The following NSG1 variants were observed in gnomAD, a reference collection of about 807,000 sequenced individuals.
NSG1 encodes the protein neuronal vesicle trafficking-associated protein 1.
Under a neutral mutation model 19.3 loss-of-function variants are expected in NSG1, and 9 were observed. The ratio of observed to expected loss-of-function variants is 0.47; its 90% CI spans 0.28 to 0.81. The LOEUF is 0.81. Ranked by LOEUF, NSG1 falls within the 40% of genes least tolerant of loss-of-function variation. The probability of loss-of-function intolerance (pLI) is 0.11; values close to 1 mark genes in which losing one functional copy is unlikely to be tolerated. For synonymous variants in NSG1, 104 were observed against 107.0 expected, an observed-to-expected ratio of 0.97 and a Z score of 0.17; for missense variants, 236 against 242.4, an observed-to-expected ratio of 0.97 and a Z score of 0.18.
At chr4:4,416,144 G>T (rs917491998) in intron 4 of NSG1, 11 of 702,246 alleles carry the variant, frequency 1.6e-5, no homozygotes, top group Middle Eastern at 2.3e-4. Context: ...CTCATTGGCC[G>T]CATTTTATAG....
At chr4:4,394,352 TACCCCGGAAGCC>T (rs917865255) in intron 3 of NSG1, among the ~76,000 whole-genome samples, 3 of 152,174 alleles carry the variant, frequency 2.0e-5, no homozygotes, top group African/African-American at 7.2e-5. Context: ...CAGGCACAGG[TACCCCGGAAGCC>T]TCCCCAGTGT....
intron 3 of NSG1, among the ~76,000 whole-genome samples, chr4:4,399,882 C>T (rs60599077): frequency 2.4e-4 from 36 of 152,328 alleles, no homozygotes; most frequent in African/African-American, 7.7e-4. Context: ...GGTTCATGCT[C>T]CTATGAGAAT....
chr4:4,406,316 C>CA (rs1334662172), intron 3 of NSG1, among the ~76,000 whole-genome samples: 1 of 152,188 alleles, frequency 6.6e-6, no homozygotes, highest in Non-Finnish European at 1.5e-5. Context: ...CGTGAGCCAC[C>CA]ACGTCTGCCC....
intron 3 of NSG1, among the ~76,000 whole-genome samples, chr4:4,403,627 T>A (rs1199088132): frequency 1.3e-5 from 2 of 152,184 alleles, no homozygotes; most frequent in Non-Finnish European, 2.9e-5. Flanking sequence ...CAAAGTCCCT[T>A]ACCATATACA....
rs1432944712 is a variant in NSG1 at position 4,387,616 on chromosome 4, G to C, written c.-14G>C. On this transcript the variant is annotated 5_prime_UTR_variant, in exon 2 of 5. Transcript: ENST00000621129. Reference sequence around the variant, plus strand: ...CCTCCCGCCGCAGGCTGCAGCCTCGGAGCTCCCGGAACGATGGTGAAGTTG... The same window carrying C: ...CCTCCCGCCGCAGGCTGCAGCCTCGCAGCTCCCGGAACGATGGTGAAGTTG... 5 of 1,609,718 alleles carry C rather than the reference G, an allele frequency of 3.1e-6. No homozygotes were observed. The highest frequency in any genetic ancestry group is 3.4e-6 in the Non-Finnish European group (4 of 1,177,970).
chr4:4,404,677 A>C (rs944499225), intron 3 of NSG1, among the ~76,000 whole-genome samples: 11 of 152,254 alleles, frequency 7.2e-5, no homozygotes, highest in Admixed American at 3.9e-4. Flanking sequence ...TGTCTGGCTC[A>C]GTAACATCAT....
In NSG1 at chr4:4,387,587, C is replaced by T; in HGVS notation, c.-26-17C>T. 2 of 1,587,812 alleles carry T rather than the reference C, an allele frequency of 1.3e-6. No individual in the cohort carries two copies. Among genetic ancestry groups the T allele is most frequent in the African/African-American group, 1.3e-5 (1 of 74,294 alleles). On this transcript the variant is annotated splice_polypyrimidine_tract_variant and intron_variant, in intron 1 of 4. Coordinates refer to ENST00000621129, the MANE Select transcript of NSG1 (RefSeq NM_014392.5). ...GGGTCTTGCTTGTGGTGACTCCCCC[C>T]GGCCCTCCCGCCGCAGGCTGCAGCC... is the stretch of plus-strand genomic sequence containing the variant.
chr4:4,389,102 C>T (rs1352996290), intron 2 of NSG1, among the ~76,000 whole-genome samples: 3 of 152,368 alleles, frequency 2.0e-5, no homozygotes, highest in East Asian at 1.9e-4. Flanking sequence ...GGAGCAGTGG[C>T]GCCTGTGCCA....
intron 2 of NSG1, among the ~76,000 whole-genome samples, chr4:4,388,820 G>A (rs1348673203): frequency 6.6e-6 from 1 of 152,228 alleles, no homozygotes; most frequent in East Asian, 1.9e-4. Flanking sequence ...GTCGTCTGGG[G>A]AGGGAGGCAG....
At chr4:4,415,298 G>A (rs1724462444) in intron 4 of NSG1, among the ~76,000 whole-genome samples, 1 of 152,180 alleles carries the variant, frequency 6.6e-6, no homozygotes. Context: ...TGCCCCACAA[G>A]ACAGGTCCGT....
At chr4:4,393,738 G>T (rs1723109660) in intron 3 of NSG1, among the ~76,000 whole-genome samples, 1 of 152,150 alleles carries the variant, frequency 6.6e-6, no homozygotes, top group Admixed American at 6.5e-5. Context: ...TCCCAGGGTG[G>T]CTGGGGTGCT....
At chr4:4,395,071 G>C (rs961894443) in intron 3 of NSG1, among the ~76,000 whole-genome samples, 2 of 152,186 alleles carry the variant, frequency 1.3e-5, no homozygotes, top group African/African-American at 4.8e-5. Context: ...CTGGACTTTC[G>C]CAGCTGAACA....
chr4:4,392,972 G>A (rs886375004), intron 3 of NSG1, among the ~76,000 whole-genome samples: 4 of 152,098 alleles, frequency 2.6e-5, no homozygotes, highest in Non-Finnish European at 5.9e-5. Context: ...ATACTGATCC[G>A]AGGTCAATAC....
At chr4:4,398,600 G>A (rs942095605) in intron 3 of NSG1, among the ~76,000 whole-genome samples, 9 of 152,340 alleles carry the variant, frequency 5.9e-5, no homozygotes, top group African/African-American at 1.9e-4. Context: ...GCTCAGCTAC[G>A]TTGTAGCACT....
intron 4 of NSG1, among the ~76,000 whole-genome samples, chr4:4,410,858 T>C (rs1724140664): frequency 6.6e-6 from 1 of 152,208 alleles, no homozygotes; most frequent in East Asian, 1.9e-4. Context: ...TTTTACTTCA[T>C]AAACTTTTTG....
chr4:4,404,086 A>T (rs1723717478), intron 3 of NSG1, among the ~76,000 whole-genome samples: 1 of 152,228 alleles, frequency 6.6e-6, no homozygotes, highest in South Asian at 2.1e-4. Flanking sequence ...GCCACAGTTG[A>T]GTCCATTTTG....
intron 3 of NSG1, among the ~76,000 whole-genome samples, chr4:4,403,323 G>T (rs975515562): frequency 5.9e-5 from 9 of 152,202 alleles, no homozygotes; most frequent in Admixed American, 3.3e-4. Flanking sequence ...CAAAATCAAG[G>T]GGTGTGCCGG....
intron 4 of NSG1, chr4:4,416,035 GCTTT>G (rs1724513215): frequency 1.4e-6 from 1 of 698,332 alleles, no homozygotes; most frequent in Non-Finnish European, 2.6e-6. Context: ...GTGTCTTTTG[GCTTT>G]CTTTTCTGTC....
chr4:4,409,743 T>A, intron 4 of NSG1, 60 bp downstream of exon 4: 1 of 1,347,450 alleles, frequency 7.4e-7, no homozygotes, highest in Non-Finnish European at 1.1e-6. Context: ...GTTCTCTCCC[T>A]TGAACTCAAG....
Sources: gnomAD v4.1 joint callset for allele counts (sites outside exome capture counted in the v4.1 genomes callset) on GRCh38, gnomAD v4.1.1 for gene constraint, MANE v1.5 for transcripts, NCBI Gene and HGNC (gene_info 2026-07-23, HGNC 2026-07-21) for gene names.